Variants in ABCA3 observed in about 807,000 individuals in gnomAD.
ABCA3 encodes the protein ATP binding cassette subfamily A member 3.
A neutral mutation model predicts 172.8 loss-of-function variants in ABCA3; 88 were observed. That is an observed-to-expected ratio of 0.51 (90% CI 0.43 to 0.61). The LOEUF is 0.61. Among genes scored for constraint, ABCA3 ranks in the 20% least tolerant of loss-of-function variants. The pLI, the probability that ABCA3 is intolerant of heterozygous loss-of-function variation, is 0.00. For missense variants in ABCA3, 2,164 were observed against 2,301.0 expected (o/e 0.94, Z 1.22); for synonymous variants, 1,066 against 983.8 (o/e 1.08, Z -1.56).
At position 2,281,400 on chromosome 16, in the gene ABCA3, A is replaced by G; in HGVS notation, c.4145T>C (p.Ile1382Thr). The change falls in exon 27 of 33, where the codon ATT becomes ACT. Residue 1382 changes from isoleucine (I) to threonine (T), a missense_variant. Physicochemically the swap from Ile to Thr is moderately conservative, Grantham distance 89. This residue lies in a region of ABCA3 where 795 missense variants were observed against 881.9 expected (regional missense o/e 0.90). Coordinates refer to ENST00000301732, the MANE Select transcript of ABCA3 (RefSeq NM_001089.3). This position sits in a 1 kb window ranked among gnomAD's most constrained non-coding sequence, Gnocchi z 4.7. ...GGGTACCTTGGAGAGCTCCTTGATA[A>G]TCAGAGGTGTGTGGAGCAGGGAGTC... ...SPDSLLHTPL[I>T]IKELSKVYEQ... 8 of 1,613,724 alleles carry G rather than the reference A, an allele frequency of 5.0e-6. No homozygotes were observed. The highest frequency in any genetic ancestry group is 6.8e-6 in the Non-Finnish European group (8 of 1,179,990).
intron 2 of ABCA3, among the ~76,000 whole-genome samples, chr16:2,329,362 C>A (rs1007014503): frequency 1.9e-4 from 29 of 152,166 alleles, no homozygotes; most frequent in Non-Finnish European, 4.3e-4. Flanking sequence ...GAGGCCGGTG[C>A]CTCCATTTGG....
chr16:2,307,107 C>T (rs323029), intron 11 of ABCA3, among the ~76,000 whole-genome samples: 42,529 of 150,376 alleles, frequency 0.28, 6,258 homozygotes, highest in East Asian at 0.4. Flanking sequence ...CACAGCGAGA[C>T]CCTGTCTCAA....
chr16:2,297,664 C>A lies in ABCA3; in HGVS notation c.2052+102G>T. ...TGAGTCCTCCAAGGATGGTGATGGC[C>A]TTGTCTGGGGTGTCAAGGGCCAAGG... On this transcript the variant is annotated intron_variant, in intron 16 of 32. Coordinates refer to ENST00000301732, the MANE Select transcript of ABCA3 (RefSeq NM_001089.3). This position sits in a 1 kb window ranked among gnomAD's most constrained non-coding sequence, Gnocchi z 5.6. The A allele has an allele frequency of 6.3e-7, 1 of 1,592,224 alleles. No homozygotes were observed. The highest frequency in any genetic ancestry group is 1.7e-5 in the Admixed American group (1 of 59,040).
intron 10 of ABCA3, among the ~76,000 whole-genome samples, chr16:2,312,184 C>T (rs2093707662): frequency 6.6e-6 from 1 of 152,180 alleles, no homozygotes; most frequent in South Asian, 2.1e-4. Context: ...AAAGCTTGAA[C>T]TGCAGTATTG....
Position 2,287,938 on chromosome 16 carries a change from A to T in ABCA3, c.3004+88T>A. On this transcript the variant is annotated intron_variant, in intron 21 of 32. Coordinates refer to ENST00000301732, the MANE Select transcript of ABCA3 (RefSeq NM_001089.3). This position sits in a 1 kb window ranked among gnomAD's most constrained non-coding sequence, Gnocchi z 4.1. ...AACAGCCAAGAACCATCCTCCCCAG[A>T]TGTCGACCCTGCTGCAGTCAGGAAG... The T allele has an allele frequency of 6.6e-7, 1 of 1,523,308 alleles. No homozygotes were observed. 94.4% of individuals were successfully genotyped at this position (1,523,308 alleles called of 1,614,324 possible).
At chr16:2,326,351 G>C in intron 4 of ABCA3, 62 bp downstream of exon 4, 1 of 1,611,884 alleles carries the variant, frequency 6.2e-7, no homozygotes, top group Non-Finnish European at 8.5e-7. Context: ...TTCCCTCAAG[G>C]GCATCCCCAG....
At chr16:2,336,256 C>T (rs1412814806) in intron 1 of ABCA3, among the ~76,000 whole-genome samples, 1 of 152,180 alleles carries the variant, frequency 6.6e-6, no homozygotes, top group Non-Finnish European at 1.5e-5. Context: ...AGAATCTCCA[C>T]CTACCCTGAT....
At chr16:2,339,842 C>A (rs987806161) in intron 1 of ABCA3, among the ~76,000 whole-genome samples, 2 of 152,288 alleles carry the variant, frequency 1.3e-5, no homozygotes, top group Admixed American at 1.3e-4. Context: ...CCGTCCCGGC[C>A]CTTCTGAAGC....
intron 1 of ABCA3, among the ~76,000 whole-genome samples, chr16:2,337,457 C>T (rs1432006498): frequency 6.6e-6 from 1 of 150,578 alleles, no homozygotes; most frequent in Non-Finnish European, 1.5e-5. Context: ...TCACTGTAGC[C>T]TTGACCTCCT....
rs45541531 is a variant in ABCA3, at chr16:2,299,642, C to T, written c.1612-110G>A. ...TCTCAGAAGGAACCAAGCCTAGCGT[C>T]ACCATCAGTGTGCAGAGGGGAGGGA... On this transcript the variant is annotated intron_variant, in intron 13 of 32. Coordinates refer to ENST00000301732, the MANE Select transcript of ABCA3 (RefSeq NM_001089.3). The T allele has an allele frequency of 3.3e-3, 5,047 of 1,546,728 alleles. 9 individuals carry two copies. Among genetic ancestry groups the T allele is most frequent in the Non-Finnish European group, 4.2e-3 (4,812 of 1,132,576 alleles).
chr16:2,287,880 G>A lies in ABCA3; in HGVS notation c.3004+146C>T. The A allele has an allele frequency of 1.0e-6, 1 of 1,002,220 alleles. No homozygotes were observed. The highest frequency in any genetic ancestry group is 2.2e-5 in the Admixed American group (1 of 46,296). 62.1% of individuals were successfully genotyped at this position (1,002,220 alleles called of 1,614,324 possible). ...GTCATGATGGGGTGGGGCAAGGTCA[G>A]GGATGCTGCTGAACCTCCCTCAGTA... On this transcript the variant is annotated intron_variant, in intron 21 of 32. Coordinates refer to ENST00000301732, the MANE Select transcript of ABCA3 (RefSeq NM_001089.3). This position sits in a 1 kb window ranked among gnomAD's most constrained non-coding sequence, Gnocchi z 4.1.
rs371221845 is a variant in ABCA3 at position 2,276,146 on chromosome 16, G to A, written c.*528C>T. 2.8e-5 allele frequency: 10 copies of A among 356,948 alleles called. No homozygotes were observed. The highest frequency in any genetic ancestry group is 7.9e-5 in the East Asian group (1 of 12,582). 22.1% of individuals were successfully genotyped at this position (356,948 alleles called of 1,614,324 possible). On this transcript the variant is annotated 3_prime_UTR_variant, in exon 33 of 33. Transcript: ENST00000301732. The stretch of plus-strand genomic sequence containing the variant: ...AGCCTCCAGGATGCCCCCGGGCTGC[G>A]CTGGACGCTAAGACCCCAGCACCTA...
intron 5 of ABCA3, among the ~76,000 whole-genome samples, chr16:2,325,488 G>A (rs1416668602): frequency 6.6e-6 from 1 of 152,216 alleles, no homozygotes; most frequent in South Asian, 2.1e-4. Flanking sequence ...GAAGAGATTT[G>A]ATGCTAGATG....
intron 8 of ABCA3, among the ~76,000 whole-genome samples, chr16:2,318,032 T>G (rs757228115): frequency 5.9e-5 from 9 of 152,190 alleles, no homozygotes; most frequent in Non-Finnish European, 1.2e-4. Flanking sequence ...ACACTCCCAG[T>G]GCATGCTCCC....
intron 11 of ABCA3, among the ~76,000 whole-genome samples, chr16:2,304,649 G>A (rs1489010050): frequency 6.6e-6 from 1 of 150,746 alleles, no homozygotes; most frequent in African/African-American, 2.4e-5. Context: ...TGGGATTACA[G>A]GCGCATGCTG....
intron 10 of ABCA3, among the ~76,000 whole-genome samples, chr16:2,312,332 G>A (rs1030931636): frequency 2.0e-5 from 3 of 152,098 alleles, no homozygotes; most frequent in African/African-American, 7.2e-5. Context: ...GGAAAAAGTG[G>A]CTAGTTTTGC....
At chr16:2,292,904 GA>G (rs1317156774) in intron 18 of ABCA3, among the ~76,000 whole-genome samples, 1 of 152,118 alleles carries the variant, frequency 6.6e-6, no homozygotes, top group Non-Finnish European at 1.5e-5. Flanking sequence ...GCGGTGAGCT[GA>G]GATCGCACCA....
At chr16:2,288,850 C>T (rs919799406) in intron 20 of ABCA3, among the ~76,000 whole-genome samples, 28 of 152,118 alleles carry the variant, frequency 1.8e-4, no homozygotes, top group African/African-American at 5.6e-4. Context: ...CCGGCCCAGA[C>T]ACTGTTTCAT....
At position 2,319,621 on chromosome 16, in the gene ABCA3, A is replaced by G; in HGVS notation, c.833T>C (p.Ile278Thr). The G allele has an allele frequency of 1.2e-6, 2 of 1,613,406 alleles. No homozygotes were observed. Among genetic ancestry groups the G allele is most frequent in the Non-Finnish European group, 1.7e-6 (2 of 1,180,010 alleles). Residue 278 changes from isoleucine to threonine, a missense_variant, in exon 8 of 33, where the codon ATT becomes ACT. Physicochemically the swap from Ile to Thr is moderately conservative, Grantham distance 89 (BLOSUM62 -1). Around this residue, in one of 3 missense-constraint regions of ABCA3, gnomAD observed 1,343 missense variants for 1,369.6 expected, o/e 0.98. Coordinates refer to ENST00000301732, the MANE Select transcript of ABCA3 (RefSeq NM_001089.3). Reference sequence around the variant, plus strand: ...CTTCTCCTGCACGACAGCACGGGCAATGGTGAGCGCGGTGTAGGTGAAGCT... The same window carrying G: ...CTTCTCCTGCACGACAGCACGGGCAGTGGTGAGCGCGGTGTAGGTGAAGCT... ...LLSFTYTALT[I>T]ARAVVQEKER... is the part of the protein sequence containing the mutation.
Sources: gnomAD v4.1 joint callset for allele counts (sites outside exome capture counted in the v4.1 genomes callset) on GRCh38, gnomAD v4.1.1 for gene constraint, gnomAD v4.1.1 regional missense constraint, Gnocchi (gnomAD v3.1) non-coding constraint, MANE v1.5 for transcripts, NCBI Gene and HGNC (gene_info 2026-07-23, HGNC 2026-07-21) for gene names.